The following CNTNAP4 variants were observed in gnomAD, a reference collection of about 807,000 sequenced individuals.
CNTNAP4 encodes contactin-associated protein-like 4.
CNTNAP4 carries 98 observed loss-of-function variants against 148.4 expected under a neutral mutation model. The observed-to-expected ratio is 0.66, with a 90% CI of 0.56 to 0.78. The LOEUF is 0.78. Among genes scored for constraint, CNTNAP4 ranks in the 30% least tolerant of loss-of-function variants. CNTNAP4 has a pLI of 0.00. For synonymous variants in CNTNAP4, 730 were observed against 565.1 expected, an observed-to-expected ratio of 1.29 and a Z score of -4.14; for missense variants, 1,935 against 1,565.6, an observed-to-expected ratio of 1.24 and a Z score of -3.98.
chr16:76,457,283 T>A (rs1012713217), intron 8 of CNTNAP4, among the ~76,000 whole-genome samples: 3 of 152,170 alleles, frequency 2.0e-5, no homozygotes, highest in Admixed American at 2.0e-4. Flanking sequence ...TGAAATGAGT[T>A]AAAGGGACAT....
chr16:76,326,222 C>A (rs1962958042), intron 2 of CNTNAP4, among the ~76,000 whole-genome samples: 1 of 152,222 alleles, frequency 6.6e-6, no homozygotes, highest in South Asian at 2.1e-4. Flanking sequence ...GCAGAATGCT[C>A]TAAACAAAAT....
At chr16:76,488,794 T>C (rs2082113168) in intron 12 of CNTNAP4, among the ~76,000 whole-genome samples, 1 of 152,192 alleles carries the variant, frequency 6.6e-6, no homozygotes, top group South Asian at 2.1e-4. Flanking sequence ...GCTGGTAAAG[T>C]TGAAGGGCAG....
At chr16:76,440,093 G>A (rs1052625508) in intron 4 of CNTNAP4, among the ~76,000 whole-genome samples, 1 of 152,140 alleles carries the variant, frequency 6.6e-6, no homozygotes, top group Non-Finnish European at 1.5e-5. Flanking sequence ...AGTATGATCA[G>A]TGTTTAAGGC....
chr16:76,294,121 G>A (rs988977179), intron 1 of CNTNAP4, among the ~76,000 whole-genome samples: 2 of 152,112 alleles, frequency 1.3e-5, no homozygotes, highest in Non-Finnish European at 2.9e-5. Context: ...TTCAACTTCT[G>A]AAACAGCTAC....
At position 76,398,447 on chromosome 16, in the gene CNTNAP4, TC is replaced by T. The variant is rs1043121170; in HGVS notation, c.391-29002del. The stretch of plus-strand genomic sequence containing the variant: ...TGCATTCTGTGCACCTACCGTGTCT[TC>T]CCTACCCACTTTTCCAGCCATGGAC... On this transcript the variant is annotated intron_variant, in intron 3 of 23. Transcript: ENST00000611870. Among the ~76,000 whole-genome samples, 3 of 152,236 alleles carry T rather than the reference TC, an allele frequency of 2.0e-5. No individual in the cohort carries two copies. The East Asian group carries it at 5.8e-4, about 29-fold the overall frequency.
At chr16:76,475,006 A>T (rs1219487100) in intron 10 of CNTNAP4, among the ~76,000 whole-genome samples, 1 of 152,078 alleles carries the variant, frequency 6.6e-6, no homozygotes, top group East Asian at 1.9e-4. Context: ...ACCAGATCAG[A>T]CTCCAGAGCC....
At chr16:76,468,131 C>T (rs1038281004) in intron 10 of CNTNAP4, among the ~76,000 whole-genome samples, 3 of 152,108 alleles carry the variant, frequency 2.0e-5, no homozygotes, top group African/African-American at 7.2e-5. Context: ...CAGGACATGA[C>T]AAGGCAGGAC....
rs756658874 is a variant in CNTNAP4 at position 76,535,552 on chromosome 16, G to A, written c.2763G>A (p.Thr921=). 9 of 1,611,832 alleles carry A rather than the reference G, an allele frequency of 5.6e-6. No individual in the cohort carries two copies. The highest frequency in any genetic ancestry group is 2.2e-4 in the Middle Eastern group (1 of 4,570). Residue 921 remains threonine, a synonymous_variant, in exon 18 of 24, where the codon ACG becomes ACA. Coordinates refer to ENST00000611870, the MANE Select transcript of CNTNAP4 (RefSeq NM_033401.5). ...GCAGTATTTCCCTTTTAGGTGGAAC[G>A]GCCACCAGACAGAGAGGCTTTCTGG... ...QLNSQLFVGG[T]ATRQRGFLGC...
intron 7 of CNTNAP4, 48 bp from the exon 8 acceptor site, chr16:76,452,460 G>A: frequency 1.3e-6 from 2 of 1,585,842 alleles, no homozygotes; most frequent in Non-Finnish European, 1.7e-6. Context: ...TGTTACTAAT[G>A]TGATGTGAAT....
intron 4 of CNTNAP4, among the ~76,000 whole-genome samples, chr16:76,431,846 T>A (rs2145080000): frequency 6.6e-6 from 1 of 152,238 alleles, no homozygotes; most frequent in South Asian, 2.1e-4. Flanking sequence ...TGGAAGGGGC[T>A]GTCATTTACT....
At chr16:76,320,184 T>A (rs1293288346) in intron 2 of CNTNAP4, among the ~76,000 whole-genome samples, 2 of 152,062 alleles carry the variant, frequency 1.3e-5, no homozygotes, top group African/African-American at 2.4e-5. Flanking sequence ...GCAATCCTTG[T>A]TAAAAAGTGG....
chr16:76,327,538 C>T (rs1344574158), intron 2 of CNTNAP4, among the ~76,000 whole-genome samples: 1 of 152,176 alleles, frequency 6.6e-6, no homozygotes, highest in Non-Finnish European at 1.5e-5. Context: ...CACTTACATC[C>T]TCTAAACCCT....
intron 3 of CNTNAP4, among the ~76,000 whole-genome samples, chr16:76,417,934 T>G (rs1239437623): frequency 6.6e-6 from 1 of 151,766 alleles, no homozygotes; most frequent in Non-Finnish European, 1.5e-5. Context: ...TTTGCTTGCT[T>G]GCTTGTTTTC....
intron 3 of CNTNAP4, among the ~76,000 whole-genome samples, chr16:76,413,718 G>C (rs948549744): frequency 1.3e-5 from 2 of 151,072 alleles, no homozygotes; most frequent in African/African-American, 2.4e-5. Flanking sequence ...TAATTTAGGA[G>C]TATTGACATC....
chr16:76,363,303 C>G (rs558530625), intron 3 of CNTNAP4, among the ~76,000 whole-genome samples: 8 of 151,772 alleles, frequency 5.3e-5, no homozygotes, highest in African/African-American at 1.7e-4. Context: ...GCAGGGATTA[C>G]AAGTGTGTGC....
intron 2 of CNTNAP4, among the ~76,000 whole-genome samples, chr16:76,353,927 C>T (rs540583811): frequency 1.3e-5 from 2 of 152,264 alleles, no homozygotes; most frequent in African/African-American, 4.8e-5. Flanking sequence ...ATTTATTGAG[C>T]ATTTCTTTGA....
rs1376541810 is a variant in CNTNAP4, at chr16:76,560,183, C to T, written c.*1500C>T. The stretch of plus-strand genomic sequence containing the variant: ...TACATACTCACACCTTCAAGTGCCT[C>T]CCAAGTAACTATTGGATTTCTTAGT... On this transcript the variant is annotated 3_prime_UTR_variant, in exon 24 of 24. Coordinates refer to ENST00000611870, the MANE Select transcript of CNTNAP4 (RefSeq NM_033401.5). Among the ~76,000 whole-genome samples, 1 of 152,136 alleles carries T rather than the reference C, an allele frequency of 6.6e-6. No homozygotes were observed.
At chr16:76,512,392 A>T (rs4506927) in intron 15 of CNTNAP4, among the ~76,000 whole-genome samples, 126,619 of 152,008 alleles carry the variant, frequency 0.83, 53,776 homozygotes, top group East Asian at 0.97. Context: ...GGGTGCAATG[A>T]TGAGAGTTGT....
intron 2 of CNTNAP4, among the ~76,000 whole-genome samples, chr16:76,348,090 G>A (rs1287191572): frequency 6.6e-6 from 1 of 152,080 alleles, no homozygotes; most frequent in East Asian, 1.9e-4. Flanking sequence ...CATGAAGGCA[G>A]AAAAACAGCA....
Sources: allele counts gnomAD v4.1 joint callset (sites outside exome capture counted in the v4.1 genomes callset), GRCh38; gene constraint gnomAD v4.1.1; transcripts MANE v1.5; gene names NCBI Gene and HGNC (gene_info 2026-07-23, HGNC 2026-07-21).